PCCA: variants seen among roughly 807,000 people sequenced by gnomAD.
PCCA encodes propionyl-CoA carboxylase subunit alpha, also known as propionyl-CoA carboxylase alpha chain, mitochondrial.
A neutral mutation model predicts 101.3 loss-of-function variants in PCCA; 74 were observed. That is an observed-to-expected ratio of 0.73 (90% CI 0.61 to 0.89). PCCA has a LOEUF of 0.89. Ranked by LOEUF, PCCA falls within the 40% of genes least tolerant of loss-of-function variation. PCCA has a pLI of 0.00. For missense variants in PCCA, 891 were observed against 907.0 expected (o/e 0.98, Z 0.23); for synonymous variants, 294 against 313.6 (o/e 0.94, Z 0.66).
rs1327255791 is a variant in PCCA at position 100,515,283 on chromosome 13, T to A, written c.1900-144T>A. ...TGACAGAAACAAATATATTTTGATG[T>A]GTGCAGCAATTGAGAACCATTTGAA... On this transcript the variant is annotated intron_variant, in intron 21 of 23. Transcript: ENST00000376285. 9.6e-6 allele frequency: 7 copies of A among 727,230 alleles called. No homozygotes were observed. The Admixed American group carries it at 1.3e-4, about 13-fold the overall frequency. The allele number at this position is 727,230 out of a possible 1,614,324, so 45.0% of individuals were successfully genotyped here.
At chr13:100,458,485 A>T (rs903146303) in intron 21 of PCCA, among the ~76,000 whole-genome samples, 5 of 133,592 alleles carry the variant, frequency 3.7e-5, no homozygotes, top group Admixed American at 1.6e-4. Context: ...ACACACACAC[A>T]CTAGCGGAGT....
chr13:100,458,378 A>G (rs1049429148), intron 21 of PCCA, among the ~76,000 whole-genome samples: 1 of 147,882 alleles, frequency 6.8e-6, no homozygotes, highest in Non-Finnish European at 1.5e-5. Flanking sequence ...ACACACACAC[A>G]CACACACACG....
chr13:100,355,091 T>C (rs2073828634), intron 18 of PCCA, among the ~76,000 whole-genome samples: 1 of 152,064 alleles, frequency 6.6e-6, no homozygotes, highest in African/African-American at 2.4e-5. Flanking sequence ...TCCAAGAATA[T>C]ATACAGTGAT....
chr13:100,164,646 T>G (rs1021119299), intron 6 of PCCA, among the ~76,000 whole-genome samples: 1 of 152,234 alleles, frequency 6.6e-6, no homozygotes, highest in African/African-American at 2.4e-5. Flanking sequence ...TTTGGTCCAT[T>G]TAAAAAATGT....
chr13:100,469,273 A>G (rs2082793086), intron 21 of PCCA, among the ~76,000 whole-genome samples: 2 of 151,048 alleles, frequency 1.3e-5, no homozygotes, highest in Non-Finnish European at 3.0e-5. Context: ...AGGAAGGCTT[A>G]TTAAGCCTTC....
rs750483241 is a variant in PCCA, at chr13:100,359,826, A to G, written c.1644-8646A>G. Among the ~76,000 whole-genome samples the G allele has an allele frequency of 3.6e-4, 55 of 152,232 alleles. 1 individual carries two copies. Among genetic ancestry groups the G allele is most frequent in the Non-Finnish European group, 7.5e-4 (51 of 68,036 alleles). ...AAGAAGTAAGAGTTATATCCTGCTC[A>G]TGGACTGGAAGAGAAAATATTAAGA... On this transcript the variant is annotated intron_variant, in intron 18 of 23. Coordinates refer to ENST00000376285, the MANE Select transcript of PCCA (RefSeq NM_000282.4).
intron 11 of PCCA, among the ~76,000 whole-genome samples, chr13:100,270,218 T>G (rs1479283032): frequency 1.3e-5 from 2 of 152,232 alleles, no homozygotes; most frequent in African/African-American, 4.8e-5. Context: ...GTGCTGAAGC[T>G]AATTACTTGG....
chr13:100,282,138 T>C (rs1243472402), intron 12 of PCCA, among the ~76,000 whole-genome samples: 2 of 152,248 alleles, frequency 1.3e-5, no homozygotes, highest in Non-Finnish European at 2.9e-5. Context: ...TTCTTATTGA[T>C]GTGTAGGTAT....
intron 2 of PCCA, among the ~76,000 whole-genome samples, chr13:100,111,159 G>A (rs751840834): frequency 2.1e-5 from 3 of 144,766 alleles, no homozygotes; most frequent in Non-Finnish European, 4.5e-5. Flanking sequence ...TTAGAGGCGC[G>A]TACCACTAGA....
intron 7 of PCCA, among the ~76,000 whole-genome samples, chr13:100,212,871 A>C (rs1594758195): frequency 1.4e-5 from 2 of 146,062 alleles, no homozygotes; most frequent in Admixed American, 7.1e-5. Flanking sequence ...CACATCACCC[A>C]CCCCCACTCC....
intron 21 of PCCA, among the ~76,000 whole-genome samples, chr13:100,498,235 C>CAA (rs34099057): frequency 0.017 from 2,111 of 127,914 alleles, 43 homozygotes; most frequent in East Asian, 0.066. Context: ...GTAGGTTAGC[C>CAA]AAAAAAAAAA....
At chr13:100,164,764 C>T (rs1470850161) in intron 6 of PCCA, among the ~76,000 whole-genome samples, 1 of 152,064 alleles carries the variant, frequency 6.6e-6, no homozygotes, top group Non-Finnish European at 1.5e-5. Flanking sequence ...TAATTTTATT[C>T]ACAATGTTTT....
At chr13:100,251,684 T>C (rs1015942390) in intron 8 of PCCA, among the ~76,000 whole-genome samples, 1 of 152,218 alleles carries the variant, frequency 6.6e-6, no homozygotes, top group African/African-American at 2.4e-5. Context: ...TAAGAAAAAA[T>C]GGCATACTTT....
intron 6 of PCCA, among the ~76,000 whole-genome samples, chr13:100,192,573 C>G (rs149086558): frequency 2.6e-5 from 4 of 152,244 alleles, no homozygotes; most frequent in African/African-American, 7.2e-5. Context: ...AAACTGTTTA[C>G]GCATGCACCA....
At chr13:100,115,087 C>G (rs9557386) in intron 4 of PCCA, among the ~76,000 whole-genome samples, 50,987 of 151,998 alleles carry the variant, frequency 0.34, 9,295 homozygotes, top group East Asian at 0.69. Context: ...TACCATTCAG[C>G]CATAGAAAAG....
intron 21 of PCCA, among the ~76,000 whole-genome samples, chr13:100,455,695 A>C (rs2081655806): frequency 6.6e-6 from 1 of 151,776 alleles, no homozygotes; most frequent in African/African-American, 2.4e-5. Flanking sequence ...GCACATATGC[A>C]ATCGTTTCTT....
intron 18 of PCCA, among the ~76,000 whole-genome samples, chr13:100,363,448 C>T (rs2074855097): frequency 6.6e-6 from 1 of 152,056 alleles, no homozygotes; most frequent in Non-Finnish European, 1.5e-5. Flanking sequence ...CTGTCTACCC[C>T]CACTGAATAC....
At chr13:100,253,741 G>A (rs1178897307) in intron 8 of PCCA, among the ~76,000 whole-genome samples, 1 of 152,128 alleles carries the variant, frequency 6.6e-6, no homozygotes, top group Non-Finnish European at 1.5e-5. Flanking sequence ...TGGAGGTTCA[G>A]TGTCAGTAGG....
intron 21 of PCCA, 24 bp downstream of exon 21, chr13:100,449,329 T>G: frequency 7.1e-7 from 1 of 1,399,170 alleles, no homozygotes; most frequent in Non-Finnish European, 9.9e-7. Context: ...CATTCTTTAT[T>G]CTCTTAATTT....
Sources: allele counts gnomAD v4.1 joint callset (sites outside exome capture counted in the v4.1 genomes callset), GRCh38; gene constraint gnomAD v4.1.1; transcripts MANE v1.5; gene names NCBI Gene and HGNC (gene_info 2026-07-23, HGNC 2026-07-21).